CXorf58: variants seen among roughly 807,000 people sequenced by gnomAD.
The protein encoded by CXorf58 is uncharacterized protein CXorf58.
Under a neutral mutation model 26.0 loss-of-function variants are expected in CXorf58, and 24 were observed. The observed-to-expected ratio is 0.92, with a 90% CI of 0.67 to 1.30. CXorf58 has a LOEUF of 1.30. Ranked by LOEUF, CXorf58 falls within the 50% of genes most tolerant of loss-of-function variation. The pLI, the probability that CXorf58 is intolerant of heterozygous loss-of-function variation, is 0.00. For missense variants in CXorf58, 236 were observed against 263.9 expected (o/e 0.89, Z 0.73); for synonymous variants, 87 against 86.1 (o/e 1.01, Z -0.06).
At chrX:23,912,469 T>C (rs1039133703) in intron 3 of CXorf58, among the ~76,000 whole-genome samples, 1 of 111,391 alleles carries the variant, frequency 9.0e-6, no homozygotes, top group African/African-American at 3.3e-5. Context: ...AAGCTCCGAA[T>C]CTGCAAGGTG....
chrX:23,923,660 A>G (rs1242670161), intron 5 of CXorf58, among the ~76,000 whole-genome samples: 3 of 105,919 alleles, frequency 2.8e-5, no homozygotes, highest in Non-Finnish European at 5.9e-5. Context: ...AAAAAACCCT[A>G]AATAAATACC....
At chrX:23,934,023 C>T (rs1388187518) in intron 6 of CXorf58, among the ~76,000 whole-genome samples, 3 of 105,900 alleles carry the variant, frequency 2.8e-5, no homozygotes, top group Non-Finnish European at 5.7e-5. Context: ...AGGATGAGAC[C>T]CTGTCTCAAA....
chrX:23,916,332 A>G lies in CXorf58; in HGVS notation c.423+4A>G. 1 of 1,064,963 alleles carries G rather than the reference A, an allele frequency of 9.4e-7. No homozygotes were observed. Among genetic ancestry groups the G allele is most frequent in the Non-Finnish European group, 1.3e-6 (1 of 766,549 alleles). The allele number at this position is 1,064,963 out of a possible 1,213,427, so 87.8% of individuals were successfully genotyped here. A position where few individuals can be genotyped will look rare whatever the true frequency, so the allele number is the denominator to read the frequency against. ...TGTATTAATGCCGTCAAGTAAGGTG[A>G]CGTTTCATGATGTACATTTTATGTT... On this transcript the variant is annotated splice_donor_region_variant and intron_variant, in intron 5 of 8. Transcript: ENST00000379211.
chrX:23,920,213 C>T (rs1047051786), intron 5 of CXorf58, among the ~76,000 whole-genome samples: 70 of 112,508 alleles, frequency 6.2e-4, no homozygotes, highest in African/African-American at 2.1e-3. Context: ...GTGGCAAATC[C>T]GGATAGGCTT....
intron 5 of CXorf58, among the ~76,000 whole-genome samples, chrX:23,921,620 C>G (rs1483009088): frequency 1.8e-5 from 2 of 111,875 alleles, no homozygotes; most frequent in Non-Finnish European, 3.8e-5. Flanking sequence ...TCTAAGCTTA[C>G]TCAACTCTGT....
At chrX:23,920,989 G>T in intron 5 of CXorf58, among the ~76,000 whole-genome samples, 1 of 110,691 alleles carries the variant, frequency 9.0e-6, no homozygotes, top group Non-Finnish European at 1.9e-5. Flanking sequence ...AACTTCAAAT[G>T]TGGAAGTATA....
Position 23,939,310 on chromosome X carries a change from G to C in CXorf58, c.*7G>C, listed in dbSNP as rs1034090796. On this transcript the variant is annotated 3_prime_UTR_variant, in exon 9 of 9. Transcript: ENST00000379211. ...TCTCCACTCCATCTTTTGACATTGT[G>C]AAAACTAAGGAATCTATGTCAGAGT... 3.5e-6 allele frequency: 4 copies of C among 1,139,144 alleles called. No homozygotes were observed. Among genetic ancestry groups the C allele is most frequent in the Non-Finnish European group, 4.8e-6 (4 of 839,003 alleles). 93.9% of individuals were successfully genotyped at this position (1,139,144 alleles called of 1,213,427 possible).
intron 3 of CXorf58, among the ~76,000 whole-genome samples, chrX:23,913,340 C>T (rs1024760849): frequency 9.2e-5 from 10 of 108,537 alleles, no homozygotes; most frequent in African/African-American, 1.3e-4. Context: ...GCCGCCATGC[C>T]CAGCTAATTT....
chrX:23,933,420 A>G (rs1928215605), intron 6 of CXorf58, among the ~76,000 whole-genome samples: 1 of 111,872 alleles, frequency 8.9e-6, no homozygotes, highest in South Asian at 3.7e-4. Context: ...TTTAATTCCT[A>G]ATTTGATATC....
intron 5 of CXorf58, among the ~76,000 whole-genome samples, chrX:23,919,452 T>G (rs1927809452): frequency 8.9e-6 from 1 of 112,645 alleles, no homozygotes; most frequent in Admixed American, 9.5e-5. Context: ...CTTTGTTAAA[T>G]TTATCTGATA....
intron 3 of CXorf58, among the ~76,000 whole-genome samples, chrX:23,914,847 G>A (rs778662974): frequency 9.4e-6 from 1 of 106,848 alleles, no homozygotes; most frequent in African/African-American, 3.4e-5. Flanking sequence ...TCATGCCATT[G>A]CACTGCAGCC....
chrX:23,919,781 C>T (rs1360823589), intron 5 of CXorf58, among the ~76,000 whole-genome samples: 1 of 112,451 alleles, frequency 8.9e-6, no homozygotes, highest in Non-Finnish European at 1.9e-5. Context: ...ACCTGTCCTT[C>T]GTGAAAAGGC....
At chrX:23,911,914 A>G (rs1927590602) in intron 3 of CXorf58, 58 bp downstream of exon 3, 3 of 801,889 alleles carry the variant, frequency 3.7e-6, no homozygotes, top group Non-Finnish European at 5.5e-6. Context: ...TAAAAGATCT[A>G]TTAATTAAAG....
chrX:23,925,998 A>G (rs1274511993), intron 5 of CXorf58, among the ~76,000 whole-genome samples: 3 of 108,357 alleles, frequency 2.8e-5, no homozygotes, highest in Non-Finnish European at 5.7e-5. Flanking sequence ...CATGTTGGCC[A>G]GGCTGGTCTC....
chrX:23,909,028 C>G (rs780827429), intron 1 of CXorf58, among the ~76,000 whole-genome samples: 18 of 111,583 alleles, frequency 1.6e-4, no homozygotes, highest in Non-Finnish European at 3.4e-4. Flanking sequence ...GACTGCCAGC[C>G]TTGGTGTTAG....
intron 6 of CXorf58, among the ~76,000 whole-genome samples, chrX:23,930,114 G>A (rs184955357): frequency 1.0e-5 from 1 of 98,888 alleles, no homozygotes; most frequent in East Asian, 3.2e-4. Flanking sequence ...GGAGAATGGC[G>A]TGAACCCAGG....
intron 1 of CXorf58, among the ~76,000 whole-genome samples, 196 bp from the exon 2 acceptor site, chrX:23,910,087 A>T (rs985601293): frequency 1.8e-5 from 2 of 112,074 alleles, no homozygotes; most frequent in Admixed American, 9.5e-5. Flanking sequence ...GGATAGATTT[A>T]CTTGTCTTTT....
At chrX:23,916,093 C>A in intron 4 of CXorf58, 124 bp from the exon 5 acceptor site, 1 of 456,222 alleles carries the variant, frequency 2.2e-6, no homozygotes, top group Non-Finnish European at 3.8e-6. Context: ...CAATTCTTTA[C>A]ATGCTCTGAC....
chrX:23,909,498 T>C (rs918589232), intron 1 of CXorf58, among the ~76,000 whole-genome samples: 1 of 112,287 alleles, frequency 8.9e-6, no homozygotes, highest in Admixed American at 9.4e-5. Context: ...TATAATTTTG[T>C]TTTAAAAAAT....
Sources: allele counts gnomAD v4.1 joint callset (sites outside exome capture counted in the v4.1 genomes callset), GRCh38; gene constraint gnomAD v4.1.1; transcripts MANE v1.5; gene names NCBI Gene and HGNC (gene_info 2026-07-23, HGNC 2026-07-21).